Variants in AGBL1 observed in about 807,000 individuals in gnomAD.
AGBL1 encodes the protein cytosolic carboxypeptidase 4.
AGBL1 carries 130 observed loss-of-function variants against 118.9 expected under a neutral mutation model. The observed-to-expected ratio is 1.09, with a 90% CI of 0.95 to 1.26. The LOEUF (loss-of-function observed/expected upper bound fraction) is 1.26, where lower values mean the gene tolerates loss of function less well. Among genes scored for constraint, AGBL1 ranks in the 50% most tolerant of loss-of-function variants. The pLI is 0.00. For missense variants in AGBL1, 1,584 were observed against 1,298.1 expected, an observed-to-expected ratio of 1.22 and a Z score of -3.38; for synonymous variants, 555 against 478.9, an observed-to-expected ratio of 1.16 and a Z score of -2.08.
At chr15:86,566,983 T>A (rs999966262) in intron 21 of AGBL1, among the ~76,000 whole-genome samples, 15 of 152,172 alleles carry the variant, frequency 9.9e-5, no homozygotes, top group Non-Finnish European at 5.9e-5. Flanking sequence ...TTCATGGAGA[T>A]GCTATAAAGA....
At chr15:86,496,239 C>T (rs2082854100) in intron 18 of AGBL1, among the ~76,000 whole-genome samples, 1 of 152,002 alleles carries the variant, frequency 6.6e-6, no homozygotes, top group African/African-American at 2.4e-5. Flanking sequence ...TGCTCTCTCT[C>T]TCCTGCCACC....
intron 1 of AGBL1, among the ~76,000 whole-genome samples, chr15:86,139,025 G>A (rs563161264): frequency 2.6e-5 from 4 of 152,270 alleles, no homozygotes; most frequent in African/African-American, 7.2e-5. Flanking sequence ...CATAGACTAC[G>A]GAGGGAGAGG....
intron 21 of AGBL1, among the ~76,000 whole-genome samples, chr15:86,623,139 T>C (rs779370922): frequency 1.3e-5 from 2 of 152,314 alleles, no homozygotes; most frequent in East Asian, 1.9e-4. Context: ...ACCTCCTGCC[T>C]AACAGGCCAT....
At chr15:86,333,706 C>T (rs2080312931) in intron 17 of AGBL1, among the ~76,000 whole-genome samples, 1 of 152,112 alleles carries the variant, frequency 6.6e-6, no homozygotes, top group Admixed American at 6.5e-5. Flanking sequence ...CACCTTGATA[C>T]CAAAACCTGG....
At chr15:86,206,467 C>T (rs1338263207) in intron 5 of AGBL1, among the ~76,000 whole-genome samples, 1 of 152,194 alleles carries the variant, frequency 6.6e-6, no homozygotes, top group African/African-American at 2.4e-5. Flanking sequence ...ACATCCTCCC[C>T]AGCATCTGTT....
chr15:86,301,603 T>C (rs899774553), intron 17 of AGBL1, among the ~76,000 whole-genome samples: 3 of 150,830 alleles, frequency 2.0e-5, no homozygotes, highest in Non-Finnish European at 4.4e-5. Flanking sequence ...AGATAAGTAT[T>C]ATTTAGTCTT....
intron 11 of AGBL1, among the ~76,000 whole-genome samples, chr15:86,265,241 A>C (rs2079053713): frequency 6.6e-6 from 1 of 152,174 alleles, no homozygotes; most frequent in Non-Finnish European, 1.5e-5. Context: ...TTGATAGGGG[A>C]TCTCTTGCTA....
At chr15:86,562,678 C>T (rs991335309) in intron 21 of AGBL1, among the ~76,000 whole-genome samples, 1 of 152,134 alleles carries the variant, frequency 6.6e-6, no homozygotes, top group African/African-American at 2.4e-5. Flanking sequence ...AGGGAGGATT[C>T]CCTCTTTTTC....
At chr15:86,853,451 G>A (rs2141463666) in intron 22 of AGBL1, among the ~76,000 whole-genome samples, 1 of 152,254 alleles carries the variant, frequency 6.6e-6, no homozygotes, top group African/African-American at 2.4e-5. Context: ...ATCTTAGGAA[G>A]TAGAGAATAT....
intron 24 of AGBL1, among the ~76,000 whole-genome samples, chr15:87,022,520 G>A (rs990436287): frequency 2.0e-5 from 3 of 152,054 alleles, no homozygotes; most frequent in East Asian, 1.9e-4. Context: ...CTAAAAGTTT[G>A]GAAAATATAT....
At chr15:86,632,274 T>TAAAA in intron 21 of AGBL1, among the ~76,000 whole-genome samples, 1 of 125,300 alleles carries the variant, frequency 8.0e-6, no homozygotes, top group African/African-American at 3.1e-5. Context: ...TCTTTCTCTT[T>TAAAA]AAAAAAAAAA....
At chr15:86,304,307 C>T (rs1337971488) in intron 17 of AGBL1, among the ~76,000 whole-genome samples, 1 of 152,122 alleles carries the variant, frequency 6.6e-6, no homozygotes, top group African/African-American at 2.4e-5. Flanking sequence ...TCTGCTGTTT[C>T]CTCTGTGTCC....
At chr15:86,454,257 A>T (rs375047365) in intron 18 of AGBL1, among the ~76,000 whole-genome samples, 1 of 152,174 alleles carries the variant, frequency 6.6e-6, no homozygotes, top group Non-Finnish European at 1.5e-5. Context: ...TGCTTATTTC[A>T]TCATTAAAAA....
chr15:86,300,626 C>G (rs1207480138), intron 17 of AGBL1, among the ~76,000 whole-genome samples: 1 of 152,128 alleles, frequency 6.6e-6, no homozygotes, highest in East Asian at 1.9e-4. Context: ...TAATCTAAAA[C>G]AGCAAAGCAT....
intron 21 of AGBL1, chr15:86,556,109 C>A: frequency 1.3e-6 from 1 of 748,090 alleles, no homozygotes; most frequent in Non-Finnish European, 2.2e-6. Context: ...CTTCTAGTCA[C>A]GTAAGTATCA....
chr15:86,190,004 G>A (rs2077694064), intron 5 of AGBL1, among the ~76,000 whole-genome samples: 1 of 152,148 alleles, frequency 6.6e-6, no homozygotes, highest in Non-Finnish European at 1.5e-5. Flanking sequence ...ATGTCCTAAA[G>A]GGTGCAGGCA....
chr15:86,985,109 G>C (rs567223777), intron 23 of AGBL1, among the ~76,000 whole-genome samples: 2 of 152,274 alleles, frequency 1.3e-5, no homozygotes, highest in East Asian at 1.9e-4. Context: ...ACATTGTGTA[G>C]ATATGCTATA....
intron 24 of AGBL1, among the ~76,000 whole-genome samples, chr15:86,999,797 G>A (rs945606994): frequency 1.1e-4 from 15 of 139,572 alleles, no homozygotes; most frequent in East Asian, 1.1e-3. Context: ...CTGAGGAATC[G>A]CCACACTGAC....
intron 21 of AGBL1, among the ~76,000 whole-genome samples, chr15:86,654,935 A>G (rs2085439056): frequency 6.6e-6 from 1 of 152,130 alleles, no homozygotes; most frequent in Admixed American, 6.5e-5. Context: ...ATGCTCTTTT[A>G]TAATGTAATA....
Sources: allele counts gnomAD v4.1 joint callset (sites outside exome capture counted in the v4.1 genomes callset), GRCh38; gene constraint gnomAD v4.1.1; transcripts MANE v1.5; gene names NCBI Gene and HGNC (gene_info 2026-07-23, HGNC 2026-07-21).